SMAD9: variants seen among roughly 807,000 people sequenced by gnomAD.
The protein encoded by SMAD9 is SMAD family member 9.
A neutral mutation model predicts 46.1 loss-of-function variants in SMAD9; 36 were observed. That is an observed-to-expected ratio of 0.78 (90% CI 0.60 to 1.03). SMAD9 has a LOEUF of 1.03. Ranked by LOEUF, SMAD9 falls within the 50% of genes least tolerant of loss-of-function variation. The pLI, the probability that SMAD9 is intolerant of heterozygous loss-of-function variation, is 0.00. For missense variants in SMAD9, 572 were observed against 599.8 expected (o/e 0.95, Z 0.48); for synonymous variants, 245 against 237.1 (o/e 1.03, Z -0.31).
chr13:36,885,395 A>C (rs1210626903), intron 1 of SMAD9, among the ~76,000 whole-genome samples: 1 of 152,112 alleles, frequency 6.6e-6, no homozygotes, highest in Non-Finnish European at 1.5e-5. Flanking sequence ...ACACACACAC[A>C]CACACACGTA....
intron 1 of SMAD9, among the ~76,000 whole-genome samples, chr13:36,898,146 C>T (rs757519872): frequency 5.3e-5 from 8 of 152,066 alleles, no homozygotes; most frequent in Non-Finnish European, 8.8e-5. Flanking sequence ...GAGTGAGCCA[C>T]TGCACCCGGC....
intron 5 of SMAD9, among the ~76,000 whole-genome samples, chr13:36,861,490 AT>A (rs1389844241): frequency 6.6e-6 from 1 of 151,430 alleles, no homozygotes; most frequent in Non-Finnish European, 1.5e-5. Context: ...AATTTTTTGT[AT>A]TTTTAGTAGA....
intron 1 of SMAD9, among the ~76,000 whole-genome samples, chr13:36,893,582 T>C (rs2058505999): frequency 2.0e-5 from 3 of 151,564 alleles, no homozygotes; most frequent in Non-Finnish European, 2.9e-5. Flanking sequence ...AATCTTACAA[T>C]TGAATTTCAT....
chr13:36,864,187 T>G (rs1311778034), intron 5 of SMAD9, among the ~76,000 whole-genome samples: 1 of 152,240 alleles, frequency 6.6e-6, no homozygotes, highest in African/African-American at 2.4e-5. Flanking sequence ...AATTCAAAGA[T>G]TATTTCCTTT....
intron 1 of SMAD9, among the ~76,000 whole-genome samples, chr13:36,888,603 T>G (rs560167): frequency 6.6e-6 from 1 of 152,176 alleles, no homozygotes; most frequent in African/African-American, 2.4e-5. Flanking sequence ...TGGGCACTTA[T>G]GTATAACAGA....
upstream of SMAD9, chr13:36,920,277 C>T (rs1294403086): frequency 6.7e-6 from 1 of 149,422 alleles, no homozygotes; most frequent in Non-Finnish European, 1.5e-5. Context: ...AGTGCGCCGA[C>T]CTGGAAAGCG....
intron 2 of SMAD9, among the ~76,000 whole-genome samples, chr13:36,873,194 G>T (rs1298007617): frequency 1.3e-5 from 2 of 152,118 alleles, no homozygotes; most frequent in African/African-American, 4.8e-5. Context: ...TTTGGAGAAG[G>T]ATCTTTCTAG....
In SMAD9 at chr13:36,911,178, T is replaced by A. The variant is rs565073618; in HGVS notation, c.-187+8938A>T. On this transcript the variant is annotated intron_variant, in intron 1 of 6. Coordinates refer to ENST00000379826, the MANE Select transcript of SMAD9 (RefSeq NM_001127217.3). ...GCCCCACCAAGACCAGCTAAATTTT[T>A]AAAATATTTTTCTCATAGAAGGGTT... Among the ~76,000 whole-genome samples the A allele has an allele frequency of 2.0e-4, 31 of 152,092 alleles. No individual in the cohort carries two copies. In the South Asian group the frequency reaches 5.8e-3, roughly 29 times the overall value.
intron 1 of SMAD9, among the ~76,000 whole-genome samples, chr13:36,909,930 GCTCACGC>G (rs2058647033): frequency 6.6e-6 from 1 of 152,208 alleles, no homozygotes; most frequent in African/African-American, 2.4e-5. Flanking sequence ...GGGCGCAGTG[GCTCACGC>G]CTGTAATCCC....
chr13:36,866,103 G>A (rs1438511162), intron 4 of SMAD9, among the ~76,000 whole-genome samples: 1 of 152,172 alleles, frequency 6.6e-6, no homozygotes, highest in Non-Finnish European at 1.5e-5. Context: ...CTCAAAGGAA[G>A]CTGGCAGGTC....
At chr13:36,859,213 A>T (rs2058155799) in intron 5 of SMAD9, among the ~76,000 whole-genome samples, 1 of 152,198 alleles carries the variant, frequency 6.6e-6, no homozygotes, top group Non-Finnish European at 1.5e-5. Context: ...GAAGCCTTAC[A>T]TGTGTTCAGA....
rs1248826931 is a variant in SMAD9, at chr13:36,893,287, G to T, written c.-186-13412C>A. 1.3e-5 allele frequency among the ~76,000 whole-genome samples: 2 copies of T among 151,622 alleles called. 1 individual carries two copies. Among genetic ancestry groups the T allele is most frequent in the Non-Finnish European group, 2.9e-5 (2 of 67,892 alleles). ...ATAGTGGGGAAAAATTCTACTTCTTGAAGTTTTTGAAGAGATGAATAGAGG... is the reference window on the plus strand; with the variant it reads ...ATAGTGGGGAAAAATTCTACTTCTTTAAGTTTTTGAAGAGATGAATAGAGG... On this transcript the variant is annotated intron_variant, in intron 1 of 6. Coordinates refer to ENST00000379826, the MANE Select transcript of SMAD9 (RefSeq NM_001127217.3).
rs7995843 is a variant in SMAD9 at position 36,850,810 on chromosome 13, C to T, written c.1261-1991G>A. Among the ~76,000 whole-genome samples the T allele has an allele frequency of 3.3e-5, 5 of 152,348 alleles. No homozygotes were observed. In the East Asian group the frequency reaches 7.7e-4, roughly 24 times the overall value. On this transcript the variant is annotated intron_variant, in intron 6 of 6. Coordinates refer to ENST00000379826, the MANE Select transcript of SMAD9 (RefSeq NM_001127217.3). ...TCTCCCCGAATCCAGACTCTTATAT[C>T]GAACTGGCTACTCAGCAACTCCACT...
intron 1 of SMAD9, among the ~76,000 whole-genome samples, chr13:36,885,713 G>C (rs202064419): frequency 1.3e-5 from 2 of 151,914 alleles, no homozygotes; most frequent in East Asian, 3.9e-4. Context: ...GGGGGCCGTA[G>C]AGAGATTCCA....
At chr13:36,909,950 C>T (rs933821966) in intron 1 of SMAD9, among the ~76,000 whole-genome samples, 3 of 152,194 alleles carry the variant, frequency 2.0e-5, no homozygotes, top group Non-Finnish European at 2.9e-5. Context: ...GTAATCCCAG[C>T]ATTTTGGGAG....
intron 2 of SMAD9, among the ~76,000 whole-genome samples, chr13:36,873,724 G>A (rs1278665871): frequency 2.0e-5 from 3 of 152,066 alleles, no homozygotes; most frequent in African/African-American, 4.8e-5. Context: ...TTAGCCGGGT[G>A]TGGTGGCGGG....
Position 36,852,949 on chromosome 13 carries a change from T to C in SMAD9, c.1260+470A>G, listed in dbSNP as rs1437515045. 2.0e-5 allele frequency among the ~76,000 whole-genome samples: 3 copies of C among 152,256 alleles called. 1 individual carries two copies. The highest frequency in any genetic ancestry group is 2.0e-4 in the Admixed American group (3 of 15,284). On this transcript the variant is annotated intron_variant, in intron 6 of 6. Transcript: ENST00000379826. ...CATATAATTGCTAAACAAGACAGTT[T>C]ATACTCAAAGAGGAACTCCTCCTAA... is the stretch of plus-strand genomic sequence containing the variant.
At chr13:36,915,533 A>G (rs1410914005) in intron 1 of SMAD9, among the ~76,000 whole-genome samples, 1 of 152,200 alleles carries the variant, frequency 6.6e-6, no homozygotes, top group Non-Finnish European at 1.5e-5. Flanking sequence ...CAGAGTACCA[A>G]AGAATGAGAC....
intron 5 of SMAD9, among the ~76,000 whole-genome samples, chr13:36,860,654 T>C (rs2058172565): frequency 6.6e-6 from 1 of 151,214 alleles, no homozygotes; most frequent in Non-Finnish European, 1.5e-5. Flanking sequence ...GGGGTTTCAG[T>C]GTGTTAGCCA....
Sources: allele counts gnomAD v4.1 joint callset (sites outside exome capture counted in the v4.1 genomes callset), GRCh38; gene constraint gnomAD v4.1.1; transcripts MANE v1.5; gene names NCBI Gene and HGNC (gene_info 2026-07-23, HGNC 2026-07-21).